SMYD3: variants seen among roughly 807,000 people sequenced by gnomAD.
SMYD3 encodes the protein histone-lysine N-methyltransferase SMYD3.
A neutral mutation model predicts 57.7 loss-of-function variants in SMYD3; 36 were observed. That is an observed-to-expected ratio of 0.62 (90% CI 0.48 to 0.82). The LOEUF (loss-of-function observed/expected upper bound fraction) is 0.82. SMYD3 is among the 40% of genes least tolerant of loss of function. The probability of loss-of-function intolerance (pLI) is 0.00; values close to 1 mark genes in which losing one functional copy is unlikely to be tolerated. For missense variants in SMYD3, 515 were observed against 538.8 expected (o/e 0.96, Z 0.44); for synonymous variants, 211 against 195.0 (o/e 1.08, Z -0.68).
chr1:246,248,635 C>CTTTTTTTT (rs1558348050), intron 5 of SMYD3, among the ~76,000 whole-genome samples: 4 of 68,334 alleles, frequency 5.9e-5, no homozygotes, highest in Admixed American at 1.6e-4. Flanking sequence ...CTCTGACTTT[C>CTTTTTTTT]CTTTTTTTTT....
At chr1:245,837,249 A>AAAG (rs540616892) in intron 10 of SMYD3, among the ~76,000 whole-genome samples, 16 of 151,338 alleles carry the variant, frequency 1.1e-4, no homozygotes, top group African/African-American at 1.5e-4. Flanking sequence ...AAAAAAAAAA[A>AAAG]AAGAAGAAGA....
At chr1:246,174,559 A>G (rs1316186252) in intron 5 of SMYD3, among the ~76,000 whole-genome samples, 1 of 152,032 alleles carries the variant, frequency 6.6e-6, no homozygotes, top group East Asian at 1.9e-4. Flanking sequence ...AAATTCTCCT[A>G]CCTCAGCCTC....
chr1:246,354,644 C>A (rs2065882700), intron 2 of SMYD3, among the ~76,000 whole-genome samples: 1 of 63,514 alleles, frequency 1.6e-5, no homozygotes. Flanking sequence ...CCAGATTAAA[C>A]TATATCTTTT....
intron 9 of SMYD3, among the ~76,000 whole-genome samples, chr1:245,862,078 C>T (rs569357556): frequency 1.6e-5 from 2 of 122,248 alleles, no homozygotes; most frequent in East Asian, 2.0e-4. Flanking sequence ...GGACCTCCTG[C>T]TTCCAGAGTT....
intron 8 of SMYD3, among the ~76,000 whole-genome samples, chr1:245,870,334 G>A (rs1365205065): frequency 6.6e-6 from 1 of 152,122 alleles, no homozygotes; most frequent in Non-Finnish European, 1.5e-5. Flanking sequence ...TAGAGCCTAA[G>A]TGTGACACCC....
At chr1:246,179,905 A>C (rs2062506921) in intron 5 of SMYD3, among the ~76,000 whole-genome samples, 1 of 152,046 alleles carries the variant, frequency 6.6e-6, no homozygotes, top group African/African-American at 2.4e-5. Context: ...GCCCATGTTC[A>C]CCCTGGCTCT....
At chr1:246,268,141 T>G (rs2064147072) in intron 5 of SMYD3, among the ~76,000 whole-genome samples, 1 of 152,126 alleles carries the variant, frequency 6.6e-6, no homozygotes. Flanking sequence ...CCCAGACAAT[T>G]AACGCATTCT....
chr1:246,427,428 G>A (rs2067234960), intron 1 of SMYD3, among the ~76,000 whole-genome samples: 1 of 150,414 alleles, frequency 6.6e-6, no homozygotes, highest in Non-Finnish European at 1.5e-5. Context: ...GCTGAGGCAG[G>A]AGAATGGCGT....
intron 5 of SMYD3, among the ~76,000 whole-genome samples, chr1:246,116,105 G>A (rs577014091): frequency 4.0e-5 from 6 of 151,756 alleles, no homozygotes; most frequent in African/African-American, 7.3e-5. Flanking sequence ...ATACCACTGC[G>A]CTCCAGCCTG....
intron 1 of SMYD3, among the ~76,000 whole-genome samples, chr1:246,454,680 T>C (rs2067676196): frequency 6.6e-6 from 1 of 152,228 alleles, no homozygotes; most frequent in African/African-American, 2.4e-5. Context: ...TTAAAACATA[T>C]TCACTAATTA....
intron 1 of SMYD3, among the ~76,000 whole-genome samples, chr1:246,470,666 A>C (rs898918528): frequency 6.6e-6 from 1 of 151,340 alleles, no homozygotes; most frequent in Non-Finnish European, 1.5e-5. Context: ...TATACAGTGC[A>C]TATGTGTGTA....
intron 5 of SMYD3, among the ~76,000 whole-genome samples, chr1:246,049,538 C>G (rs1404825437): frequency 1.3e-5 from 2 of 151,724 alleles, no homozygotes; most frequent in Non-Finnish European, 2.9e-5. Context: ...ATCTCCTGAC[C>G]TCGTGATCCG....
intron 5 of SMYD3, among the ~76,000 whole-genome samples, chr1:246,029,673 G>GAAAA (rs34698516): frequency 1.1e-4 from 10 of 88,002 alleles, no homozygotes; most frequent in Non-Finnish European, 1.9e-4. Flanking sequence ...CTCTGTCTCA[G>GAAAA]AAAAAAAAAA....
chr1:245,804,637 A>G (rs4417033), intron 10 of SMYD3, among the ~76,000 whole-genome samples: 1,775 of 152,324 alleles, frequency 0.012, 36 homozygotes, highest in African/African-American at 0.04. Context: ...TGATTAAGCC[A>G]TGAGGGCTCT....
chr1:246,186,791 G>C, intron 5 of SMYD3: 1 of 985,388 alleles, frequency 1.0e-6, no homozygotes, highest in South Asian at 4.7e-5. Flanking sequence ...CCTCAGCCAA[G>C]TCGTGGGAAA....
chr1:246,124,142 T>C (rs968742826), intron 5 of SMYD3, among the ~76,000 whole-genome samples: 3 of 152,240 alleles, frequency 2.0e-5, no homozygotes, highest in Non-Finnish European at 4.4e-5. Context: ...ATCACTATTA[T>C]TGCAAAAGCA....
At position 246,087,396 on chromosome 1, in the gene SMYD3, C is replaced by T. The variant is rs1211185473; in HGVS notation, c.532-157459G>A. Among the ~76,000 whole-genome samples the T allele has an allele frequency of 6.6e-5, 10 of 152,280 alleles. No individual in the cohort carries two copies. In the South Asian group the frequency reaches 1.2e-3, roughly 19 times the overall value. ...ACCCTGGGTTCTAGCACATTTGGTA[C>T]TCATCAGTTAGTCAATATCTGCTGA... On this transcript the variant is annotated intron_variant, in intron 5 of 11. Transcript: ENST00000490107.
At chr1:246,283,657 C>A (rs543732707) in intron 5 of SMYD3, among the ~76,000 whole-genome samples, 2 of 152,318 alleles carry the variant, frequency 1.3e-5, no homozygotes, top group South Asian at 2.1e-4. Context: ...CTTAATGACA[C>A]TTGCTTCTGT....
chr1:245,940,105 G>A (rs988398270), intron 5 of SMYD3, among the ~76,000 whole-genome samples: 1 of 152,162 alleles, frequency 6.6e-6, no homozygotes, highest in Non-Finnish European at 1.5e-5. Flanking sequence ...AGCAACTCCA[G>A]CCAGGGGTTT....
Sources: allele counts gnomAD v4.1 joint callset (sites outside exome capture counted in the v4.1 genomes callset), GRCh38; gene constraint gnomAD v4.1.1; transcripts MANE v1.5; gene names NCBI Gene and HGNC (gene_info 2026-07-23, HGNC 2026-07-21).